UMAD1: variants seen among roughly 807,000 people sequenced by gnomAD.
UMAD1 encodes UBAP1-MVB12-associated (UMA)-domain containing protein 1.
Under a neutral mutation model 6.1 loss-of-function variants are expected in UMAD1, and 8 were observed. That is an observed-to-expected ratio of 1.30 (90% CI 0.76 to 2.35). UMAD1 has a LOEUF of 2.35. Ranked by LOEUF, UMAD1 falls within the 30% of genes most tolerant of loss-of-function variation. The probability of loss-of-function intolerance (pLI) is 0.00; values close to 1 mark genes in which losing one functional copy is unlikely to be tolerated. For missense variants in UMAD1, 130 were observed against 78.4 expected, an observed-to-expected ratio of 1.66 and a Z score of -2.49; for synonymous variants, 56 against 31.4, an observed-to-expected ratio of 1.78 and a Z score of -2.61.
At chr7:7,846,643 T>C (rs79875198) in intron 3 of UMAD1, among the ~76,000 whole-genome samples, 3,141 of 152,190 alleles carry the variant, frequency 0.021, 45 homozygotes, top group South Asian at 0.03. Context: ...ACTGCTATTA[T>C]AACATTGAAT....
intron 1 of UMAD1, among the ~76,000 whole-genome samples, chr7:7,667,984 G>T (rs1387408657): frequency 6.6e-6 from 1 of 152,082 alleles, no homozygotes; most frequent in East Asian, 1.9e-4. Flanking sequence ...CTGCAGTGCA[G>T]TGGCTCACTT....
chr7:7,877,475 C>T lies in UMAD1; in HGVS notation c.351C>T (p.Ser117=). The T allele has an allele frequency of 2.8e-6, 2 of 717,600 alleles. No homozygotes were observed. The highest frequency in any genetic ancestry group is 2.7e-5 in the East Asian group (1 of 37,288). 44.5% of individuals were successfully genotyped at this position (717,600 alleles called of 1,614,324 possible). Residue 117 remains serine, a synonymous_variant, in exon 4 of 4, where the codon AGC becomes AGT. Coordinates refer to ENST00000682710, the MANE Select transcript of UMAD1 (RefSeq NM_001302348.2). ...LPDHLLSYDG[S]ENLSRFWYDF... The stretch of plus-strand genomic sequence containing the variant: ...ACCACTTACTCTCCTATGATGGCAG[C>T]GAAAACTTATCACGGTTTTGGTATG...
chr7:7,654,438 T>G (rs1785295460), intron 1 of UMAD1, among the ~76,000 whole-genome samples: 1 of 152,228 alleles, frequency 6.6e-6, no homozygotes, highest in African/African-American at 2.4e-5. Flanking sequence ...ACAGTTATCC[T>G]TCGGTATCCC....
At chr7:7,699,841 C>T (rs952957196) in intron 2 of UMAD1, among the ~76,000 whole-genome samples, 1 of 152,172 alleles carries the variant, frequency 6.6e-6, no homozygotes, top group Non-Finnish European at 1.5e-5. Context: ...ATGGTAAGAA[C>T]TCTAAACTGA....
chr7:7,734,241 A>G (rs964741977), intron 2 of UMAD1, among the ~76,000 whole-genome samples: 8 of 152,234 alleles, frequency 5.3e-5, no homozygotes, highest in African/African-American at 1.9e-4. Context: ...CCCCTGTGGT[A>G]TGATTTTGGG....
At chr7:7,862,506 T>A (rs1488829173) in intron 3 of UMAD1, among the ~76,000 whole-genome samples, 1 of 152,194 alleles carries the variant, frequency 6.6e-6, no homozygotes, top group Admixed American at 6.5e-5. Context: ...AAGTTAAGTA[T>A]TAATAGAATC....
intron 2 of UMAD1, among the ~76,000 whole-genome samples, chr7:7,732,701 T>C (rs1781280722): frequency 1.3e-5 from 2 of 152,332 alleles, no homozygotes; most frequent in East Asian, 3.9e-4. Flanking sequence ...TTAAAGAATG[T>C]GGTCTGGATG....
chr7:7,723,945 G>A (rs1463952425), intron 2 of UMAD1, among the ~76,000 whole-genome samples: 2 of 152,152 alleles, frequency 1.3e-5, no homozygotes, highest in African/African-American at 2.4e-5. Context: ...TTTTCAGATC[G>A]AATGGACAAA....
intron 3 of UMAD1, among the ~76,000 whole-genome samples, chr7:7,876,813 C>T (rs1255301470): frequency 6.6e-6 from 1 of 152,168 alleles, no homozygotes. Context: ...GATATATTTG[C>T]ATATGGAACA....
At chr7:7,814,186 A>G (rs1213363533) in intron 3 of UMAD1, among the ~76,000 whole-genome samples, 1 of 152,042 alleles carries the variant, frequency 6.6e-6, no homozygotes, top group African/African-American at 2.4e-5. Context: ...TATTTTCACC[A>G]TGTTGGCCAG....
At chr7:7,754,694 G>A (rs1781741986) in intron 2 of UMAD1, among the ~76,000 whole-genome samples, 1 of 152,080 alleles carries the variant, frequency 6.6e-6, no homozygotes, top group African/African-American at 2.4e-5. Flanking sequence ...CATTTTAAAT[G>A]AATAATTTCA....
At chr7:7,711,395 T>G (rs1404416291) in intron 2 of UMAD1, among the ~76,000 whole-genome samples, 1 of 152,134 alleles carries the variant, frequency 6.6e-6, no homozygotes, top group Non-Finnish European at 1.5e-5. Context: ...TTAACTTTAG[T>G]AAATCATGGC....
chr7:7,827,562 G>T (rs1008233812), intron 3 of UMAD1, among the ~76,000 whole-genome samples: 109 of 152,004 alleles, frequency 7.2e-4, no homozygotes, highest in African/African-American at 2.5e-3. Context: ...TATCATATAC[G>T]TAAAGCTGAT....
intron 2 of UMAD1, among the ~76,000 whole-genome samples, chr7:7,792,168 C>T (rs921327529): frequency 6.6e-6 from 1 of 152,186 alleles, no homozygotes; most frequent in African/African-American, 2.4e-5. Context: ...ATTACATGCT[C>T]TGTGCCATTT....
At position 7,831,929 on chromosome 7, in the gene UMAD1, A is replaced by T. The variant is rs1783474991; in HGVS notation, c.156+30186A>T. Among the ~76,000 whole-genome samples, 4 of 152,322 alleles carry T rather than the reference A, an allele frequency of 2.6e-5. No individual in the cohort carries two copies. The South Asian group carries it at 8.3e-4, about 32-fold the overall frequency. On this transcript the variant is annotated intron_variant, in intron 3 of 3. Coordinates refer to ENST00000682710, the MANE Select transcript of UMAD1 (RefSeq NM_001302348.2). ...TTTGTGGCCAGATGTGGATACAATT[A>T]ACCCTTTACCCTTTATTTTGAAGAT...
chr7:7,824,685 C>T (rs936689789), intron 3 of UMAD1, among the ~76,000 whole-genome samples: 4 of 152,150 alleles, frequency 2.6e-5, no homozygotes, highest in African/African-American at 7.2e-5. Context: ...AGGACACTAT[C>T]ATCATCATTT....
intron 2 of UMAD1, among the ~76,000 whole-genome samples, chr7:7,784,718 C>T (rs1409980116): frequency 6.7e-6 from 1 of 149,174 alleles, no homozygotes; most frequent in East Asian, 2.0e-4. Context: ...ATTACCATAT[C>T]ATCTGAATAT....
intron 2 of UMAD1, among the ~76,000 whole-genome samples, chr7:7,698,522 C>G (rs1359463135): frequency 6.6e-6 from 1 of 152,158 alleles, no homozygotes; most frequent in African/African-American, 2.4e-5. Flanking sequence ...TGAATCATTG[C>G]AGGCTTTATT....
chr7:7,674,238 G>A (rs1041355133), intron 2 of UMAD1, among the ~76,000 whole-genome samples: 1 of 152,128 alleles, frequency 6.6e-6, no homozygotes, highest in African/African-American at 2.4e-5. Context: ...TCACTCCCTG[G>A]AATGTTTCTC....
Sources: allele counts gnomAD v4.1 joint callset (sites outside exome capture counted in the v4.1 genomes callset), GRCh38; gene constraint gnomAD v4.1.1; transcripts MANE v1.5; gene names NCBI Gene and HGNC (gene_info 2026-07-23, HGNC 2026-07-21).